TAX1BP1: variants seen among roughly 807,000 people sequenced by gnomAD.
The protein encoded by TAX1BP1 is tax1-binding protein 1.
In TAX1BP1, 62 loss-of-function variants were observed where a neutral mutation model predicts 97.7. That is an observed-to-expected ratio of 0.63 (90% confidence interval 0.52 to 0.78). TAX1BP1 has a LOEUF of 0.78. TAX1BP1 is among the 30% of genes least tolerant of loss of function. The probability of loss-of-function intolerance (pLI) is 0.00; values close to 1 mark genes in which losing one functional copy is unlikely to be tolerated. For missense variants in TAX1BP1, 867 were observed against 916.1 expected (o/e 0.95, Z 0.69); for synonymous variants, 340 against 304.2 (o/e 1.12, Z -1.23).
At chr7:27,744,883 A>C (rs1283363277) in intron 1 of TAX1BP1, among the ~76,000 whole-genome samples, 2 of 152,248 alleles carry the variant, frequency 1.3e-5, no homozygotes, top group Non-Finnish European at 2.9e-5. Context: ...ATTGGAATTT[A>C]GACCAAAGAC....
chr7:27,779,277 A>G (rs1346912651), intron 5 of TAX1BP1, among the ~76,000 whole-genome samples: 3 of 152,190 alleles, frequency 2.0e-5, no homozygotes, highest in Admixed American at 2.0e-4. Flanking sequence ...GGTGTGCACC[A>G]CTGTGCTTGG....
At chr7:27,741,220 T>G (rs1459418038) in intron 1 of TAX1BP1, among the ~76,000 whole-genome samples, 1 of 152,218 alleles carries the variant, frequency 6.6e-6, no homozygotes, top group Non-Finnish European at 1.5e-5. Flanking sequence ...CTACGAGCTG[T>G]GCACGAACAA....
chr7:27,826,437 T>G (rs1370009257), intron 15 of TAX1BP1, among the ~76,000 whole-genome samples: 3 of 152,262 alleles, frequency 2.0e-5, no homozygotes, highest in Admixed American at 1.3e-4. Flanking sequence ...CATATATACT[T>G]TTTTTGGTGC....
chr7:27,759,450 T>G (rs1490559881), intron 3 of TAX1BP1, among the ~76,000 whole-genome samples: 5 of 152,160 alleles, frequency 3.3e-5, no homozygotes, highest in African/African-American at 1.2e-4. Flanking sequence ...AAAATTTTAG[T>G]TAGATGTTAG....
chr7:27,766,051 T>C (rs147802800), intron 4 of TAX1BP1, 30 bp downstream of exon 4: 48 of 1,592,314 alleles, frequency 3.0e-5, no homozygotes, highest in Middle Eastern at 1.7e-4. Context: ...TAGTGATTCA[T>C]TGATAATTTT....
chr7:27,821,996 T>C (rs1790995886), intron 15 of TAX1BP1, among the ~76,000 whole-genome samples: 1 of 152,220 alleles, frequency 6.6e-6, no homozygotes, highest in African/African-American at 2.4e-5. Context: ...CATGCATCCA[T>C]GTTTAACATG....
At chr7:27,784,013 G>A (rs1249320033) in intron 5 of TAX1BP1, among the ~76,000 whole-genome samples, 1 of 152,188 alleles carries the variant, frequency 6.6e-6, no homozygotes, top group Admixed American at 6.5e-5. Flanking sequence ...AGTCAATAGG[G>A]TGTATCTGAC....
At chr7:27,817,142 G>T (rs1030826521) in intron 15 of TAX1BP1, 104 bp downstream of exon 15, 12 of 1,346,774 alleles carry the variant, frequency 8.9e-6, no homozygotes, top group Non-Finnish European at 1.2e-5. Context: ...GCGTGCATGC[G>T]TGTGTGTGGA....
chr7:27,828,778 T>C lies in TAX1BP1; in HGVS notation c.2319T>C (p.Phe773=). 2 of 1,613,918 alleles carry C rather than the reference T, an allele frequency of 1.2e-6. No homozygotes were observed. Among genetic ancestry groups the C allele is most frequent in the Non-Finnish European group, 1.7e-6 (2 of 1,179,972 alleles). Residue 773 remains phenylalanine, a synonymous_variant, in exon 17 of 17, where the codon TTT becomes TTC. Coordinates refer to ENST00000396319, the MANE Select transcript of TAX1BP1 (RefSeq NM_006024.7). ...QFPPDYDQQV[F]ERHVQTHFDQ... ...CTCCTGACTATGACCAGCAGGTGTT[T>C]GAAAGGCATGTGCAGACCCATTTTG... is the stretch of plus-strand genomic sequence containing the variant.
chr7:27,768,968 T>C (rs1349775021), intron 4 of TAX1BP1, among the ~76,000 whole-genome samples: 1 of 152,018 alleles, frequency 6.6e-6, no homozygotes, highest in Non-Finnish European at 1.5e-5. Flanking sequence ...AAGAGAAATA[T>C]TAACTTTGTT....
At chr7:27,754,716 G>T (rs1788146463) in intron 2 of TAX1BP1, among the ~76,000 whole-genome samples, 1 of 151,974 alleles carries the variant, frequency 6.6e-6, no homozygotes, top group Non-Finnish European at 1.5e-5. Context: ...GGGACTACAG[G>T]CACCCGCCAC....
rs76561786 is a variant in TAX1BP1 at position 27,786,263 on chromosome 7, C to G, written c.852+774C>G. Among the ~76,000 whole-genome samples, 307 of 151,992 alleles carry G rather than the reference C, an allele frequency of 2.0e-3. 1 individual carries two copies. Among genetic ancestry groups the G allele is most frequent in the African/African-American group, 7.1e-3 (294 of 41,450 alleles). On this transcript the variant is annotated intron_variant, in intron 7 of 16. Coordinates refer to ENST00000396319, the MANE Select transcript of TAX1BP1 (RefSeq NM_006024.7). Reference sequence around the variant, plus strand: ...TCTCCTGCCTCAGCCTCCCGAGGACCTGGGACTACAGGTGCCCGCGACCAC... The same window carrying G: ...TCTCCTGCCTCAGCCTCCCGAGGACGTGGGACTACAGGTGCCCGCGACCAC...
intron 2 of TAX1BP1, among the ~76,000 whole-genome samples, chr7:27,750,572 A>G (rs1787984082): frequency 6.6e-6 from 1 of 152,188 alleles, no homozygotes; most frequent in Admixed American, 6.5e-5. Flanking sequence ...GAGATTGGAG[A>G]TAAGTTTCAT....
chr7:27,802,883 G>A (rs1790192533), intron 13 of TAX1BP1, among the ~76,000 whole-genome samples: 1 of 152,106 alleles, frequency 6.6e-6, no homozygotes, highest in South Asian at 2.1e-4. Context: ...ATGGGATGAT[G>A]AAAATATTCA....
At chr7:27,796,318 C>A in intron 12 of TAX1BP1, 99 bp downstream of exon 12, 2 of 1,021,978 alleles carry the variant, frequency 2.0e-6, no homozygotes, top group Non-Finnish European at 2.8e-6. Context: ...AGTTTCTTTT[C>A]CATCTCCATA....
At position 27,769,821 on chromosome 7, in the gene TAX1BP1, A is replaced by G; in HGVS notation, c.599A>G (p.Gln200Arg). ...GAGAAAGAAAGATGTGACCAACTGC[A>G]AGCAGAACAAAAGGTTAGTTGTGTC... ...NHEKERCDQL[Q>R]AEQKGLTEVT... The change falls in exon 5 of 17, where the codon CAA becomes CGA. Residue 200 changes from glutamine (Q) to arginine (R), a missense_variant. By Grantham distance (43) the Gln-to-Arg change is conservative. Coordinates refer to ENST00000396319, the MANE Select transcript of TAX1BP1 (RefSeq NM_006024.7). The G allele has an allele frequency of 6.2e-7, 1 of 1,612,136 alleles. No individual in the cohort carries two copies. The highest frequency in any genetic ancestry group is 8.5e-7 in the Non-Finnish European group (1 of 1,178,750).
chr7:27,751,442 T>C (rs1330842574), intron 2 of TAX1BP1, among the ~76,000 whole-genome samples: 2 of 152,194 alleles, frequency 1.3e-5, no homozygotes, highest in African/African-American at 2.4e-5. Context: ...TATACACACA[T>C]ACTACTGATG....
chr7:27,768,262 A>G (rs1344713170), intron 4 of TAX1BP1, among the ~76,000 whole-genome samples: 1 of 152,022 alleles, frequency 6.6e-6, no homozygotes, highest in Non-Finnish European at 1.5e-5. Flanking sequence ...ATATAAAGAG[A>G]TAAACATGCA....
At position 27,798,663 on chromosome 7, in the gene TAX1BP1, C is replaced by CAA. The variant is rs34078205; in HGVS notation, c.1639-1285_1639-1284dup. On this transcript the variant is annotated intron_variant, in intron 12 of 16. Transcript: ENST00000396319. ...TGGGTGACAGAGTGAGACTCTGTCT[C>CAA]AAAAAAAAAAAAAAAAAAGAAATTA... Among the ~76,000 whole-genome samples, 189 of 72,208 alleles carry CAA rather than the reference C, an allele frequency of 2.6e-3. 1 individual carries two copies. Among genetic ancestry groups the CAA allele is most frequent in the African/African-American group, 6.5e-3 (151 of 23,384 alleles). The allele number at this position is 72,208 out of a possible 152,430, so 47.4% of individuals were successfully genotyped here.
Sources: allele counts gnomAD v4.1 joint callset (sites outside exome capture counted in the v4.1 genomes callset), GRCh38; gene constraint gnomAD v4.1.1; transcripts MANE v1.5; gene names NCBI Gene and HGNC (gene_info 2026-07-23, HGNC 2026-07-21).